The following ZNF717 variants were observed in gnomAD, a reference collection of about 807,000 sequenced individuals.
The protein encoded by ZNF717 is krueppel-like factor X17.
Under a neutral mutation model 13.8 loss-of-function variants are expected in ZNF717, and 9 were observed. The observed-to-expected ratio is 0.65, with a 90% confidence interval of 0.39 to 1.14. ZNF717 has a LOEUF of 1.14. ZNF717 is among the 50% of genes most tolerant of loss of function. ZNF717 has a pLI of 0.01. For missense variants in ZNF717, 1,040 were observed against 1,080.7 expected, an observed-to-expected ratio of 0.96 and a Z score of 0.53; for synonymous variants, 327 against 364.1, an observed-to-expected ratio of 0.90 and a Z score of 1.16.
Position 75,696,786 on chromosome 3 carries a change from G to A in ZNF717, n.1085+14401C>T, listed in dbSNP as rs60665627. Among the ~76,000 whole-genome samples the A allele has an allele frequency of 2.7e-3, 408 of 151,738 alleles. No individual in the cohort carries two copies. In the East Asian group the frequency reaches 0.049, roughly 18 times the overall value. On this transcript the variant is annotated intron_variant and non_coding_transcript_variant, in intron 6 of 6. Coordinates refer to the ZNF717 transcript ENST00000648506. Reference sequence around the variant, plus strand: ...TGGGTGCCTGTAATCCCAGCTACTCGGGAGGCTGAAGGAGGAGAATCACTT... The same window carrying A: ...TGGGTGCCTGTAATCCCAGCTACTCAGGAGGCTGAAGGAGGAGAATCACTT...
chr3:75,752,457 C>T lies in ZNF717; in HGVS notation c.58-10721G>A, dbSNP rs1194314724. On this transcript the variant is annotated intron_variant, in intron 2 of 4. Transcript: ENST00000652011. ...CACACTGCTATGCGGTTCTGAATGT[C>T]CTCACATAGGATTCCAGAGCACTCC... 2.5e-5 allele frequency among the ~76,000 whole-genome samples: 3 copies of T among 120,350 alleles called. 1 individual carries two copies. Among genetic ancestry groups the T allele is most frequent in the African/African-American group, 8.8e-5 (3 of 34,136 alleles). 79.0% of individuals were successfully genotyped at this position (120,350 alleles called of 152,430 possible). A position where few individuals can be genotyped will look rare whatever the true frequency, so the allele number is the denominator to read the frequency against.
At chr3:75,734,734 T>TGGTAGGTATAGGAGATG, downstream of ZNF717, among the ~76,000 whole-genome samples, 1 of 120,630 alleles carries the variant, frequency 8.3e-6, no homozygotes, top group African/African-American at 2.9e-5. Context: ...CGTACCTGGC[T>TGGTAGGTATAGGAGATG]GCTTTTTATT....
downstream of ZNF717, among the ~76,000 whole-genome samples, chr3:75,735,475 G>T (rs1198097740): frequency 1.8e-4 from 4 of 22,300 alleles, no homozygotes; most frequent in East Asian, 4.5e-3. Context: ...AAAAGAAAAG[G>T]CCAGGTATTG....
At chr3:75,774,945 A>C (rs1944194403) in intron 2 of ZNF717, among the ~76,000 whole-genome samples, 1 of 150,596 alleles carries the variant, frequency 6.6e-6, no homozygotes, top group Admixed American at 6.6e-5. Flanking sequence ...TAATATGTCT[A>C]TATGCTATCT....
rs1242513244 is a variant in ZNF717 at position 75,730,391 on chromosome 3, T to C, written c.*222A>G. 370 of 436,846 alleles carry C rather than the reference T, an allele frequency of 8.5e-4. 1 individual carries two copies. Among genetic ancestry groups the C allele is most frequent in the Non-Finnish European group, 1.8e-4 (46 of 249,008 alleles). 27.1% of individuals were successfully genotyped at this position (436,846 alleles called of 1,614,324 possible). A position where few individuals can be genotyped will look rare whatever the true frequency, so the allele number is the denominator to read the frequency against. On this transcript the variant is annotated 3_prime_UTR_variant, in exon 6 of 6. Transcript: ENST00000477374. ...AGTAGAAACAGGATTTGATGTCAAT[T>C]TGCTGTGCAAAGGGTAAAAAGGGGA...
chr3:75,778,491 T>G (rs1220793428), intron 2 of ZNF717, among the ~76,000 whole-genome samples: 1 of 150,272 alleles, frequency 6.7e-6, no homozygotes, highest in Non-Finnish European at 1.5e-5. Flanking sequence ...AGTGACATGC[T>G]AAAACCGGAA....
intron 2 of ZNF717, among the ~76,000 whole-genome samples, chr3:75,749,675 G>T (rs1470678528): frequency 6.6e-6 from 1 of 151,928 alleles, no homozygotes; most frequent in Non-Finnish European, 1.5e-5. Flanking sequence ...ACTGCTGCTG[G>T]ATTCTGAGTA....
intron 4 of ZNF717, among the ~76,000 whole-genome samples, chr3:75,722,473 A>C (rs1938188471): frequency 6.6e-6 from 1 of 152,202 alleles, no homozygotes; most frequent in Admixed American, 6.5e-5. Context: ...GTGTGAAGAA[A>C]ATAGTGCCCC....
chr3:75,737,197 G>A lies in ZNF717; in HGVS notation c.2426C>T (p.Thr809Ile), dbSNP rs1411862134. The A allele has an allele frequency of 3.2e-6, 5 of 1,555,218 alleles. No individual in the cohort carries two copies. Among genetic ancestry groups the A allele is most frequent in the Admixed American group, 3.9e-5 (2 of 51,164 alleles). The change falls in exon 5 of 5, where the codon ACA (threonine) becomes ATA (isoleucine). Residue 809 changes from threonine (T) to isoleucine (I), a missense_variant. By Grantham distance (89) the Thr-to-Ile change is moderately conservative (BLOSUM62 -1). Around this residue, in one of 3 missense-constraint regions of ZNF717, gnomAD observed 873 missense variants for 832.8 expected, o/e 1.05. Transcript: ENST00000652011. Reference sequence around the variant, plus strand: ...TTTACATTCAAATGGCTTCTCACCTGTGTGAGTTCTCTGATGTATGGTGAG... The same window carrying A: ...TTTACATTCAAATGGCTTCTCACCTATGTGAGTTCTCTGATGTATGGTGAG... Reference protein sequence around the residue: ...TVLTIHQRTHTGEKPFECKEC... With the variant: ...TVLTIHQRTHIGEKPFECKEC...
At chr3:75,782,452 C>T (rs142888293) in intron 2 of ZNF717, among the ~76,000 whole-genome samples, 5,532 of 152,324 alleles carry the variant, frequency 0.036, 126 homozygotes, top group South Asian at 0.062. Context: ...AAGGAGCATA[C>T]CTTACAATGG....
chr3:75,713,820 G>A (rs114273855), intron 5 of ZNF717, among the ~76,000 whole-genome samples: 1 of 151,982 alleles, frequency 6.6e-6, no homozygotes, highest in Non-Finnish European at 1.5e-5. Context: ...ACAAGTAGTG[G>A]CCCCAAAGGC....
rs1045065909 is a variant in ZNF717, at chr3:75,780,574, G to A, written c.57+2732C>T. Among the ~76,000 whole-genome samples the A allele has an allele frequency of 7.1e-4, 108 of 152,176 alleles. 1 individual carries two copies. The highest frequency in any genetic ancestry group is 1.0e-3 in the Admixed American group (16 of 15,280). Reference sequence around the variant, plus strand: ...CCACCACCACGCTCGGCTAATTTTTGTATTTTTAGTAGAGACGGGGTTTCA... The same window carrying A: ...CCACCACCACGCTCGGCTAATTTTTATATTTTTAGTAGAGACGGGGTTTCA... On this transcript the variant is annotated intron_variant, in intron 2 of 4. Transcript: ENST00000652011.
chr3:75,749,952 C>T (rs1378721710), intron 2 of ZNF717, among the ~76,000 whole-genome samples: 2 of 151,134 alleles, frequency 1.3e-5, no homozygotes, highest in Non-Finnish European at 2.9e-5. Flanking sequence ...TTCCAGAATA[C>T]TGCTACGAGG....
chr3:75,757,079 T>C lies in ZNF717; in HGVS notation c.58-15343A>G, dbSNP rs1942560316. Among the ~76,000 whole-genome samples, 5 of 152,352 alleles carry C rather than the reference T, an allele frequency of 3.3e-5. No individual in the cohort carries two copies. The South Asian group carries it at 1.0e-3, about 32-fold the overall frequency. On this transcript the variant is annotated intron_variant, in intron 2 of 4. Coordinates refer to ENST00000652011, the MANE Select transcript of ZNF717 (RefSeq NM_001290208.3). Reference sequence around the variant, plus strand: ...ATGAGGTTTAGGGAAAAAAGTCATCTCCATAACATAAAAGTGCAAGATAAA... The same window carrying C: ...ATGAGGTTTAGGGAAAAAAGTCATCCCCATAACATAAAAGTGCAAGATAAA...
chr3:75,722,414 A>C (rs1163773234), intron 4 of ZNF717, among the ~76,000 whole-genome samples: 1 of 152,220 alleles, frequency 6.6e-6, no homozygotes, highest in Non-Finnish European at 1.5e-5. Context: ...CTTTATACTC[A>C]TATCTGCTTC....
chr3:75,739,858 C>T (rs74665727), intron 4 of ZNF717, among the ~76,000 whole-genome samples: 2 of 129,114 alleles, frequency 1.5e-5, no homozygotes, highest in East Asian at 2.3e-4. Context: ...ATATGTTAAC[C>T]TTTCACTCCT....
At position 75,722,091 on chromosome 3, in the gene ZNF717, C is replaced by CA. The variant is rs3035116; in HGVS notation, n.545-5551dup. ...TGAAACCCCATCTCTACTAAAAATA[C>CA]AAAAAAAAAAAAAAAAAAATTAGCT... On this transcript the variant is annotated intron_variant and non_coding_transcript_variant, in intron 4 of 5. Transcript: ENST00000491507. Among the ~76,000 whole-genome samples the CA allele has an allele frequency of 2.6e-3, 362 of 137,920 alleles. 1 individual carries two copies. Among genetic ancestry groups the CA allele is most frequent in the Middle Eastern group, 0.011 (3 of 264 alleles). The allele number at this position is 137,920 out of a possible 152,430, so 90.5% of individuals were successfully genotyped here. A position where few individuals can be genotyped will look rare whatever the true frequency, so the allele number is the denominator to read the frequency against.
intron 2 of ZNF717, among the ~76,000 whole-genome samples, chr3:75,781,088 A>T (rs1944781576): frequency 6.6e-6 from 1 of 152,274 alleles, no homozygotes; most frequent in Admixed American, 6.5e-5. Flanking sequence ...AAAGTGAACT[A>T]AGTATGGCCT....
chr3:75,779,586 G>A (rs1347974564), intron 2 of ZNF717, among the ~76,000 whole-genome samples: 11 of 142,912 alleles, frequency 7.7e-5, no homozygotes, highest in African/African-American at 1.5e-4. Context: ...TGCTAAAACC[G>A]CAACCCAAAA....
Sources: gnomAD v4.1 joint callset for allele counts (sites outside exome capture counted in the v4.1 genomes callset) on GRCh38, gnomAD v4.1.1 for gene constraint, gnomAD v4.1.1 regional missense constraint, MANE v1.5 for transcripts, NCBI Gene and HGNC (gene_info 2026-07-23, HGNC 2026-07-21) for gene names.